USH2A: variants seen among roughly 807,000 people sequenced by gnomAD.
USH2A encodes the protein usherin, also known as Usher syndrome 2A (autosomal recessive, mild).
A neutral mutation model predicts 538.9 loss-of-function variants in USH2A; 443 were observed. The observed-to-expected ratio is 0.82, with a 90% CI of 0.76 to 0.89. The LOEUF is 0.89. Ranked by LOEUF, USH2A falls within the 40% of genes least tolerant of loss-of-function variation. The pLI, the probability that USH2A is intolerant of heterozygous loss-of-function variation, is 0.00. For missense variants in USH2A, 6,633 were observed against 6,324.8 expected (o/e 1.05, Z -1.65); for synonymous variants, 2,413 against 2,273.5 (o/e 1.06, Z -1.75).
chr1:215,658,809 T>C (rs961363154), intron 64 of USH2A, among the ~76,000 whole-genome samples: 4 of 152,238 alleles, frequency 2.6e-5, no homozygotes, highest in Non-Finnish European at 4.4e-5. Flanking sequence ...TGTAAATGCA[T>C]TGAAATTCCA....
At chr1:215,952,658 T>A (rs1303932448) in intron 37 of USH2A, among the ~76,000 whole-genome samples, 5 of 152,222 alleles carry the variant, frequency 3.3e-5, no homozygotes, top group African/African-American at 4.8e-5. Context: ...TGGCTGGATA[T>A]GAAATTCTGG....
intron 47 of USH2A, among the ~76,000 whole-genome samples, chr1:215,822,092 C>T (rs1217487814): frequency 1.3e-5 from 2 of 151,616 alleles, no homozygotes; most frequent in African/African-American, 4.8e-5. Flanking sequence ...ACTCAGATTG[C>T]TTCAGCTATT....
At chr1:216,394,365 G>A (rs1279131730) in intron 3 of USH2A, among the ~76,000 whole-genome samples, 1 of 151,226 alleles carries the variant, frequency 6.6e-6, no homozygotes, top group Non-Finnish European at 1.5e-5. Flanking sequence ...ATAGAGGGTG[G>A]GGATGGGAAG....
At chr1:216,351,616 C>T (rs916269229) in intron 4 of USH2A, among the ~76,000 whole-genome samples, 8 of 152,236 alleles carry the variant, frequency 5.3e-5, no homozygotes, top group Admixed American at 1.3e-4. Context: ...AACAATAGAG[C>T]ATTTTGAGCA....
chr1:215,750,029 A>G (rs1450065865), intron 58 of USH2A, among the ~76,000 whole-genome samples: 2 of 152,174 alleles, frequency 1.3e-5, no homozygotes, highest in African/African-American at 4.8e-5. Flanking sequence ...ATACTTTACA[A>G]TGGGACAAGT....
chr1:215,953,779 C>T (rs1666992327), intron 37 of USH2A, among the ~76,000 whole-genome samples: 1 of 151,746 alleles, frequency 6.6e-6, no homozygotes, highest in African/African-American at 2.4e-5. Context: ...AACAGGCAAC[C>T]TACAGAATGG....
At chr1:216,226,396 A>C (rs912641487) in intron 14 of USH2A, among the ~76,000 whole-genome samples, 2 of 152,188 alleles carry the variant, frequency 1.3e-5, no homozygotes, top group African/African-American at 4.8e-5. Context: ...CATTTTCAAG[A>C]ACATACTTCT....
rs772663591 is a variant in USH2A at position 216,196,648 on chromosome 1, C to T, written c.4156G>A (p.Ala1386Thr). 1 of 1,613,556 alleles carries T rather than the reference C, an allele frequency of 6.2e-7. No homozygotes were observed. Among genetic ancestry groups the T allele is most frequent in the Non-Finnish European group, 8.5e-7 (1 of 1,179,704 alleles). Residue 1386 changes from alanine to threonine, a missense_variant, in exon 19 of 72, where the codon GCA (alanine) becomes ACA (threonine). Physicochemically the swap from Ala to Thr is moderately conservative, Grantham distance 58 (BLOSUM62 0). Coordinates refer to ENST00000307340, the MANE Select transcript of USH2A (RefSeq NM_206933.4). The part of the protein sequence containing the change: ...YSLNISWEKP[A>T]DNVTRGKVVG... Reference sequence around the variant, plus strand: ...ACTTTTCCTCTTGTAACATTATCTGCTGGCTTCTCCCAGGAGATATTGAGA... The same window carrying T: ...ACTTTTCCTCTTGTAACATTATCTGTTGGCTTCTCCCAGGAGATATTGAGA...
chr1:216,388,722 G>C (rs1247333415), intron 3 of USH2A, among the ~76,000 whole-genome samples: 1 of 152,210 alleles, frequency 6.6e-6, no homozygotes, highest in Non-Finnish European at 1.5e-5. Flanking sequence ...GGACAAGCTA[G>C]AGCCACAATT....
intron 37 of USH2A, among the ~76,000 whole-genome samples, chr1:215,942,539 C>A (rs1197500585): frequency 6.6e-6 from 1 of 152,116 alleles, no homozygotes; most frequent in Non-Finnish European, 1.5e-5. Context: ...ACTTTCACAG[C>A]TTCTAAATTA....
intron 4 of USH2A, among the ~76,000 whole-genome samples, chr1:216,345,375 A>G (rs572861925): frequency 6.6e-6 from 1 of 152,192 alleles, no homozygotes; most frequent in African/African-American, 2.4e-5. Context: ...CAGGACAGAA[A>G]AAAAGACAAT....
intron 55 of USH2A, among the ~76,000 whole-genome samples, chr1:215,770,956 A>C (rs1368121094): frequency 1.3e-5 from 2 of 150,416 alleles, no homozygotes; most frequent in South Asian, 2.1e-4. Flanking sequence ...AAAAAAAAAA[A>C]AAAAAAAAAA....
At chr1:215,978,704 C>T (rs1383022693) in intron 35 of USH2A, among the ~76,000 whole-genome samples, 2 of 152,156 alleles carry the variant, frequency 1.3e-5, no homozygotes, top group Non-Finnish European at 2.9e-5. Flanking sequence ...GTACAGGACC[C>T]TCTAGCAGGG....
In USH2A at chr1:216,400,309, T is replaced by C. The variant is rs530719360; in HGVS notation, c.651+18205A>G. ...AACAAACTCAAACTTGCTATATGGG[T>C]TCAAGGGTAACAGGAAGATGACAGG... is the stretch of plus-strand genomic sequence containing the variant. On this transcript the variant is annotated intron_variant, in intron 3 of 71. Coordinates refer to ENST00000307340, the MANE Select transcript of USH2A (RefSeq NM_206933.4). Among the ~76,000 whole-genome samples, 4 of 150,566 alleles carry C rather than the reference T, an allele frequency of 2.7e-5. No individual in the cohort carries two copies. The South Asian group carries it at 6.3e-4, about 24-fold the overall frequency.
chr1:216,032,509 C>T (rs1037877830), intron 32 of USH2A, among the ~76,000 whole-genome samples: 2 of 152,144 alleles, frequency 1.3e-5, no homozygotes, highest in African/African-American at 4.8e-5. Context: ...CAGTGACACA[C>T]ACCTATATAC....
chr1:215,927,698 T>C (rs945391658), intron 38 of USH2A, among the ~76,000 whole-genome samples: 1 of 152,026 alleles, frequency 6.6e-6, no homozygotes, highest in African/African-American at 2.4e-5. Flanking sequence ...GGATCAATCA[T>C]ACCTGAAACC....
At chr1:215,737,139 T>G (rs1660177246) in intron 60 of USH2A, among the ~76,000 whole-genome samples, 1 of 151,878 alleles carries the variant, frequency 6.6e-6, no homozygotes. Context: ...TAAAAGAAAT[T>G]AGGTGTGTAT....
chr1:216,316,014 G>A (rs899598138), intron 9 of USH2A, among the ~76,000 whole-genome samples: 2 of 151,834 alleles, frequency 1.3e-5, no homozygotes, highest in African/African-American at 2.4e-5. Flanking sequence ...AAAGAAATGC[G>A]ACAAGTATTC....
At chr1:216,237,680 G>A (rs1033466565) in intron 13 of USH2A, among the ~76,000 whole-genome samples, 1 of 152,126 alleles carries the variant, frequency 6.6e-6, no homozygotes, top group Non-Finnish European at 1.5e-5. Context: ...CATATTAAAT[G>A]AAAGTTTGCA....
Sources: gnomAD v4.1 joint callset for allele counts (sites outside exome capture counted in the v4.1 genomes callset) on GRCh38, gnomAD v4.1.1 for gene constraint, MANE v1.5 for transcripts, NCBI Gene and HGNC (gene_info 2026-07-23, HGNC 2026-07-21) for gene names.